Variants in MAP2K5 observed in about 807,000 individuals in gnomAD.
MAP2K5 encodes the protein mitogen-activated protein kinase kinase 5, also known as dual specificity mitogen-activated protein kinase kinase 5.
Under a neutral mutation model 83.1 loss-of-function variants are expected in MAP2K5, and 49 were observed. The ratio of observed to expected loss-of-function variants is 0.59; its 90% CI spans 0.47 to 0.75. The LOEUF is 0.75. Among genes scored for constraint, MAP2K5 ranks in the 30% least tolerant of loss-of-function variants. The pLI is 0.00. For missense variants in MAP2K5, 457 were observed against 557.5 expected, an observed-to-expected ratio of 0.82 and a Z score of 1.82; for synonymous variants, 202 against 191.8, an observed-to-expected ratio of 1.05 and a Z score of -0.44.
chr15:67,795,861 C>A (rs2090596151), intron 21 of MAP2K5, among the ~76,000 whole-genome samples: 1 of 152,152 alleles, frequency 6.6e-6, no homozygotes, highest in Non-Finnish European at 1.5e-5. Context: ...CCTTGCATTC[C>A]TGTCCATTTT....
chr15:67,582,823 A>AACACACACACACAC (rs10579310), intron 4 of MAP2K5, among the ~76,000 whole-genome samples: 10 of 148,140 alleles, frequency 6.8e-5, no homozygotes, highest in African/African-American at 2.5e-4. Flanking sequence ...ATTGTCTCAA[A>AACACACACACACAC]ACACACACAC....
At position 67,781,591 on chromosome 15, in the gene MAP2K5, A is replaced by G. The variant is rs2090329556; in HGVS notation, c.1242+8839A>G. ...CCGAGAGACATTTGCTGGAGTGTGG[A>G]CTAGTTTCTTTCCAGTATCGTGGTT... On this transcript the variant is annotated intron_variant, in intron 21 of 21. Transcript: ENST00000178640. This position sits in a 1 kb window ranked among gnomAD's most constrained non-coding sequence, Gnocchi z 4.0. Among the ~76,000 whole-genome samples the G allele has an allele frequency of 6.6e-6, 1 of 152,034 alleles. No individual in the cohort carries two copies. The highest frequency in any genetic ancestry group is 6.6e-5 in the Admixed American group (1 of 15,248).
At chr15:67,792,053 A>G (rs1325728216) in intron 21 of MAP2K5, among the ~76,000 whole-genome samples, 1 of 152,224 alleles carries the variant, frequency 6.6e-6, no homozygotes, top group African/African-American at 2.4e-5. Flanking sequence ...GCTCACCTGC[A>G]TTGGTGAGAA....
chr15:67,554,116 G>A (rs939729330), intron 2 of MAP2K5, among the ~76,000 whole-genome samples: 2 of 152,138 alleles, frequency 1.3e-5, no homozygotes, highest in Non-Finnish European at 2.9e-5. Context: ...GGAGAGTGCA[G>A]TGGTGCGATC....
chr15:67,705,303 G>A (rs2088522811), intron 16 of MAP2K5, among the ~76,000 whole-genome samples: 2 of 152,200 alleles, frequency 1.3e-5, no homozygotes, highest in South Asian at 2.1e-4. Flanking sequence ...TGGGGATAGA[G>A]TAAGGAAAAG....
intron 2 of MAP2K5, among the ~76,000 whole-genome samples, chr15:67,556,375 G>A (rs1043622401): frequency 6.6e-6 from 1 of 151,986 alleles, no homozygotes; most frequent in African/African-American, 2.4e-5. Context: ...GTCTTCTACA[G>A]TCCAGGATAT....
intron 9 of MAP2K5, among the ~76,000 whole-genome samples, chr15:67,635,884 C>T (rs2086592422): frequency 6.6e-6 from 1 of 152,244 alleles, no homozygotes; most frequent in South Asian, 2.1e-4. Context: ...GCTTTCAAGA[C>T]TTTTTCTTTA....
chr15:67,679,395 A>C (rs1394851348), intron 13 of MAP2K5, among the ~76,000 whole-genome samples: 1 of 151,922 alleles, frequency 6.6e-6, no homozygotes, highest in Non-Finnish European at 1.5e-5. Flanking sequence ...CAGTGGGGGG[A>C]AAAAATCAGT....
chr15:67,559,011 G>A lies in MAP2K5; in HGVS notation c.185-4272G>A, dbSNP rs1218277962. ...AGCAAGAAGCTAAATTAAAACTCATGGATATGAAGATGTGGCCATGGAAAG... is the reference window on the plus strand; with the variant it reads ...AGCAAGAAGCTAAATTAAAACTCATAGATATGAAGATGTGGCCATGGAAAG... On this transcript the variant is annotated intron_variant, in intron 2 of 21. Coordinates refer to ENST00000178640, the MANE Select transcript of MAP2K5 (RefSeq NM_145160.3). This position sits in a 1 kb window ranked among gnomAD's most constrained non-coding sequence, Gnocchi z 4.7. Among the ~76,000 whole-genome samples, 2 of 152,236 alleles carry A rather than the reference G, an allele frequency of 1.3e-5. No individual in the cohort carries two copies. Among genetic ancestry groups the A allele is most frequent in the Non-Finnish European group, 2.9e-5 (2 of 68,048 alleles).
In MAP2K5 at chr15:67,749,071, C is replaced by G. The variant is rs752005695; in HGVS notation, c.1134+470C>G. On this transcript the variant is annotated intron_variant, in intron 19 of 21. Transcript: ENST00000178640. The surrounding 1 kb of genome is among the most constrained non-coding windows in gnomAD (Gnocchi z 4.6). ...GCTCAAAAACTCTAGGTCAACAGTT[C>G]AGCGTTAATTTCCTAATTAGGCATT... Among the ~76,000 whole-genome samples the G allele has an allele frequency of 6.6e-6, 1 of 152,198 alleles. No homozygotes were observed. Among genetic ancestry groups the G allele is most frequent in the Non-Finnish European group, 1.5e-5 (1 of 68,040 alleles).
At chr15:67,728,041 T>G in intron 17 of MAP2K5, 96 bp downstream of exon 17, 2 of 1,013,174 alleles carry the variant, frequency 2.0e-6, no homozygotes, top group Non-Finnish European at 1.6e-6. Flanking sequence ...CACATACAAA[T>G]AAATCTGTCC....
rs964207047 is a variant in MAP2K5 at position 67,664,476 on chromosome 15, C to T, written c.799-121C>T. The T allele has an allele frequency of 2.1e-5, 13 of 620,118 alleles. No individual in the cohort carries two copies. The African/African-American group carries it at 2.2e-4, about 11-fold the overall frequency. 38.4% of individuals were successfully genotyped at this position (620,118 alleles called of 1,614,324 possible). A position where few individuals can be genotyped will look rare whatever the true frequency, so the allele number is the denominator to read the frequency against. On this transcript the variant is annotated intron_variant, in intron 12 of 21. Coordinates refer to ENST00000178640, the MANE Select transcript of MAP2K5 (RefSeq NM_145160.3). ...TGATTGTACCCCACAGCACTTCAGCCTAGGTGACAGGGTGACACCCTGTCT... is the reference window on the plus strand; with the variant it reads ...TGATTGTACCCCACAGCACTTCAGCTTAGGTGACAGGGTGACACCCTGTCT...
intron 17 of MAP2K5, among the ~76,000 whole-genome samples, chr15:67,745,832 T>C (rs1014813452): frequency 6.6e-6 from 1 of 152,230 alleles, no homozygotes; most frequent in Non-Finnish European, 1.5e-5. Flanking sequence ...TATAAGTCAC[T>C]GCATTGTGTA....
intron 19 of MAP2K5, among the ~76,000 whole-genome samples, chr15:67,763,069 G>A (rs1372529034): frequency 6.6e-6 from 1 of 152,150 alleles, no homozygotes; most frequent in Non-Finnish European, 1.5e-5. Context: ...GACTTGATGT[G>A]GAGTAGGATG....
In MAP2K5 at chr15:67,772,764, T is replaced by C; in HGVS notation, c.1242+12T>C. 6.3e-7 allele frequency: 1 copy of C among 1,591,376 alleles called. No individual in the cohort carries two copies. Among genetic ancestry groups the C allele is most frequent in the Non-Finnish European group, 8.6e-7 (1 of 1,167,486 alleles). On this transcript the variant is annotated intron_variant, in intron 21 of 21. Coordinates refer to ENST00000178640, the MANE Select transcript of MAP2K5 (RefSeq NM_145160.3). ...CTGAAGAATTGATGGTAAGTGAATGTTTTTAGTTACATTAGAATTCTCAGT... is the reference window on the plus strand; with the variant it reads ...CTGAAGAATTGATGGTAAGTGAATGCTTTTAGTTACATTAGAATTCTCAGT...
In MAP2K5 at chr15:67,638,225, C is replaced by G. The variant is rs2086645298; in HGVS notation, c.585+7298C>G. 6.6e-6 allele frequency among the ~76,000 whole-genome samples: 1 copy of G among 152,070 alleles called. No individual in the cohort carries two copies. The highest frequency in any genetic ancestry group is 6.5e-5 in the Admixed American group (1 of 15,272). ...TTTCCTGATCATCTCCCCACTTCAC[C>G]CTCCACCTTCTGATAGGCCACAGTG... On this transcript the variant is annotated intron_variant, in intron 9 of 21. Coordinates refer to ENST00000178640, the MANE Select transcript of MAP2K5 (RefSeq NM_145160.3). This position sits in a 1 kb window ranked among gnomAD's most constrained non-coding sequence, Gnocchi z 4.5.
At chr15:67,631,287 C>T (rs555906166) in intron 9 of MAP2K5, among the ~76,000 whole-genome samples, 6 of 152,212 alleles carry the variant, frequency 3.9e-5, no homozygotes, top group East Asian at 1.9e-4. Flanking sequence ...TGCTGTATCC[C>T]GTTAGAATTT....
chr15:67,758,663 G>T lies in MAP2K5; in HGVS notation c.1134+10062G>T, dbSNP rs2089888404. ...ATCCAAAAAGTGACAGAGAATATAT[G>T]ATGAGGAGATACTTAGCTAATAGAT... On this transcript the variant is annotated intron_variant, in intron 19 of 21. Coordinates refer to ENST00000178640, the MANE Select transcript of MAP2K5 (RefSeq NM_145160.3). This position sits in a 1 kb window ranked among gnomAD's most constrained non-coding sequence, Gnocchi z 4.7. Among the ~76,000 whole-genome samples the T allele has an allele frequency of 6.6e-6, 1 of 151,964 alleles. No individual in the cohort carries two copies. Among genetic ancestry groups the T allele is most frequent in the East Asian group, 1.9e-4 (1 of 5,188 alleles).
intron 12 of MAP2K5, among the ~76,000 whole-genome samples, chr15:67,662,983 G>T (rs191909492): frequency 6.6e-6 from 1 of 152,184 alleles, no homozygotes; most frequent in Admixed American, 6.5e-5. Flanking sequence ...TTACAGAAAA[G>T]TTGTGAGACT....
Sources: gnomAD v4.1 joint callset for allele counts (sites outside exome capture counted in the v4.1 genomes callset) on GRCh38, gnomAD v4.1.1 for gene constraint, Gnocchi (gnomAD v3.1) non-coding constraint, MANE v1.5 for transcripts, NCBI Gene and HGNC (gene_info 2026-07-23, HGNC 2026-07-21) for gene names.